The following PHF24 variants were observed in gnomAD, a reference collection of about 807,000 sequenced individuals.
PHF24 encodes PHD finger protein 24, also known as Galpha inhibitory interacting protein.
Under a neutral mutation model 42.6 loss-of-function variants are expected in PHF24, and 25 were observed. The observed-to-expected ratio is 0.59, with a 90% CI of 0.43 to 0.82. PHF24 has a LOEUF of 0.82. Among genes scored for constraint, PHF24 ranks in the 40% least tolerant of loss-of-function variants. The pLI is 0.00. For missense variants in PHF24, 470 were observed against 538.1 expected (o/e 0.87, Z 1.25); for synonymous variants, 185 against 204.8 (o/e 0.90, Z 0.83).
the PHF24 span, among the ~76,000 whole-genome samples, chr9:34,798,834 G>A: frequency 2.0e-5 from 3 of 152,302 alleles, no homozygotes; most frequent in African/African-American, 4.8e-5. Flanking sequence ...CAGTGAATAA[G>A]CTTTCCCTCT....
chr9:34,828,911 T>TTATCTATATCTA, the PHF24 span, among the ~76,000 whole-genome samples: 41,171 of 143,248 alleles, frequency 0.29, 6,227 homozygotes, highest in Non-Finnish European at 0.32. Context: ...TTGCATGGTT[T>TTATCTATATCTA]TATCTATATC....
At chr9:34,979,862 T>C (rs1214532830) in exon 8 of PHF24, 1 of 152,184 alleles carries the variant, frequency 6.6e-6, no homozygotes, top group Non-Finnish European at 1.5e-5. Flanking sequence ...CCACAGCTTT[T>C]AGAAATGCTC....
chr9:34,755,987 A>G, the PHF24 span, among the ~76,000 whole-genome samples: 3 of 152,168 alleles, frequency 2.0e-5, no homozygotes. Context: ...TTGAGGTCTT[A>G]TTCATAAAAC....
the PHF24 span, among the ~76,000 whole-genome samples, chr9:34,766,431 C>T: frequency 1.3e-5 from 2 of 152,180 alleles, no homozygotes; most frequent in African/African-American, 4.8e-5. Context: ...AACTTCCCTT[C>T]TCGCTTCATT....
chr9:34,928,314 G>A, the PHF24 span, among the ~76,000 whole-genome samples: 2 of 151,784 alleles, frequency 1.3e-5, no homozygotes, highest in Non-Finnish European at 2.9e-5. Context: ...GAGTATAATT[G>A]GATTGTTTGT....
At chr9:34,773,705 C>A in the PHF24 span, among the ~76,000 whole-genome samples, 1 of 152,134 alleles carries the variant, frequency 6.6e-6, no homozygotes. Flanking sequence ...TCTTTCTCCC[C>A]AGAACCCATA....
chr9:34,748,632 TG>T, the PHF24 span, among the ~76,000 whole-genome samples: 1 of 152,162 alleles, frequency 6.6e-6, no homozygotes, highest in Admixed American at 6.5e-5. Context: ...CCAAGGTGGT[TG>T]GGGCGTCCCT....
chr9:34,966,464 T>C (rs2132876591), intron 1 of PHF24, among the ~76,000 whole-genome samples: 1 of 152,196 alleles, frequency 6.6e-6, no homozygotes, highest in South Asian at 2.1e-4. Flanking sequence ...GCCCCAGCTA[T>C]GTGAGAGGAT....
At chr9:34,972,445 C>T (rs199976682) in exon 3 of PHF24, 27 of 1,614,132 alleles carry the variant, frequency 1.7e-5, no homozygotes, top group African/African-American at 2.7e-5. Context: ...TGGCTGCCTG[C>T]GCCGCATGGG....
chr9:34,901,378 G>A, the PHF24 span, among the ~76,000 whole-genome samples: 1 of 152,164 alleles, frequency 6.6e-6, no homozygotes, highest in East Asian at 1.9e-4. Context: ...ACATATAATT[G>A]GTAGGAAATA....
upstream of PHF24, among the ~76,000 whole-genome samples, chr9:34,954,716 G>A (rs1826331428): frequency 6.6e-6 from 1 of 151,822 alleles, no homozygotes; most frequent in African/African-American, 2.4e-5. Context: ...CTCTCATTCA[G>A]TCCTTTATCT....
chr9:34,886,275 C>A, the PHF24 span, among the ~76,000 whole-genome samples: 1 of 151,046 alleles, frequency 6.6e-6, no homozygotes, highest in South Asian at 2.1e-4. Flanking sequence ...AAAAAAACTC[C>A]TTCTGGATCC....
the PHF24 span, among the ~76,000 whole-genome samples, chr9:34,818,802 A>C: frequency 6.6e-6 from 1 of 152,166 alleles, no homozygotes. Flanking sequence ...TTTTTAAAAA[A>C]TAGTGCTCAC....
the PHF24 span, among the ~76,000 whole-genome samples, chr9:34,839,542 C>G: frequency 0.091 from 13,830 of 152,176 alleles, 1,473 homozygotes; most frequent in African/African-American, 0.26. Flanking sequence ...TCTGAATATT[C>G]TTAGAAGGTG....
the PHF24 span, among the ~76,000 whole-genome samples, chr9:34,668,623 G>A: frequency 6.6e-6 from 1 of 152,196 alleles, no homozygotes; most frequent in South Asian, 2.1e-4. Flanking sequence ...GGAAAGTCAA[G>A]CTGGGAATTG....
At chr9:34,800,148 G>A in the PHF24 span, among the ~76,000 whole-genome samples, 5 of 151,782 alleles carry the variant, frequency 3.3e-5, no homozygotes, top group African/African-American at 7.3e-5. Context: ...TTAAAAAAAA[G>A]AAATTTCAAC....
chr9:34,842,196 A>G, the PHF24 span, among the ~76,000 whole-genome samples: 1 of 152,184 alleles, frequency 6.6e-6, no homozygotes, highest in Non-Finnish European at 1.5e-5. Context: ...AGTAGATTCC[A>G]TTGTATGCAT....
the PHF24 span, among the ~76,000 whole-genome samples, chr9:34,788,819 G>T: frequency 1.3e-5 from 2 of 152,154 alleles, no homozygotes; most frequent in African/African-American, 4.8e-5. Flanking sequence ...AGGGGAAATA[G>T]CTATGCAGAA....
the PHF24 span, among the ~76,000 whole-genome samples, chr9:34,762,459 AT>A: frequency 6.6e-6 from 1 of 150,846 alleles, no homozygotes; most frequent in Non-Finnish European, 1.5e-5. Flanking sequence ...GATGGTGAGC[AT>A]TTTTTCATGT....
Sources: allele counts gnomAD v4.1 joint callset (sites outside exome capture counted in the v4.1 genomes callset), GRCh38; gene constraint gnomAD v4.1.1; transcripts MANE v1.5; gene names NCBI Gene and HGNC (gene_info 2026-07-23, HGNC 2026-07-21).